ZNF254: variants seen among roughly 807,000 people sequenced by gnomAD.
ZNF254 encodes CTD-2017D11.1.
ZNF254 carries 10 observed loss-of-function variants against 12.4 expected under a neutral mutation model. The observed-to-expected ratio is 0.80, with a 90% CI of 0.50 to 1.36. The LOEUF is 1.36. Ranked by LOEUF, ZNF254 falls within the 40% of genes most tolerant of loss-of-function variation. The probability of loss-of-function intolerance (pLI) is 0.00; values close to 1 mark genes in which losing one functional copy is unlikely to be tolerated. For synonymous variants in ZNF254, 305 were observed against 253.4 expected, an observed-to-expected ratio of 1.20 and a Z score of -1.93; for missense variants, 996 against 763.9, an observed-to-expected ratio of 1.30 and a Z score of -3.58.
At chr19:24,106,760 C>A in intron 3 of ZNF254, 117 bp downstream of exon 3, 1 of 964,126 alleles carries the variant, frequency 1.0e-6, no homozygotes. Context: ...TCTGGGAAGC[C>A]TAAATTTTTT....
At chr19:24,108,279 C>G (rs1295783871) in intron 3 of ZNF254, among the ~76,000 whole-genome samples, 1 of 152,146 alleles carries the variant, frequency 6.6e-6, no homozygotes, top group Admixed American at 6.6e-5. Flanking sequence ...GCAGGACCCC[C>G]CCAGACTGTG....
Position 24,076,068 on chromosome 19 carries a change from C to T in ZNF254, c.-94+29789C>T, listed in dbSNP as rs368970188. 2.6e-5 allele frequency among the ~76,000 whole-genome samples: 4 copies of T among 152,322 alleles called. No individual in the cohort carries two copies. In the South Asian group the frequency reaches 6.2e-4, roughly 24 times the overall value. On this transcript the variant is annotated intron_variant, in intron 2 of 4. Transcript: ENST00000613065. Reference sequence around the variant, plus strand: ...GCCCAGAGTTCATATTGTTCAAACACACATGTTTTACAAACAATTTGTACA... The same window carrying T: ...GCCCAGAGTTCATATTGTTCAAACATACATGTTTTACAAACAATTTGTACA...
In ZNF254 at chr19:24,106,008, A is replaced by G. The variant is rs575223550; in HGVS notation, c.99A>G (p.Ala33=). Reference sequence around the variant, plus strand: ...AGGAGTGGCAACACCTGGACATTGCACAGCAGAATTTATATAGAAATGTGA... The same window carrying G: ...AGGAGTGGCAACACCTGGACATTGCGCAGCAGAATTTATATAGAAATGTGA... ...SLEEWQHLDI[A]QQNLYRNVML... is the part of the protein sequence containing the mutation. Residue 33 remains alanine, a synonymous_variant, in exon 2 of 4, where the codon GCA becomes GCG. Transcript: ENST00000357002. 1.1e-5 allele frequency: 17 copies of G among 1,600,336 alleles called. No homozygotes were observed. In the South Asian group the frequency reaches 1.8e-4, roughly 17 times the overall value.
chr19:24,120,191 G>T (rs1974382732), intron 3 of ZNF254, among the ~76,000 whole-genome samples: 1 of 152,060 alleles, frequency 6.6e-6, no homozygotes, highest in African/African-American at 2.4e-5. Flanking sequence ...GCTTTCATGA[G>T]ACTTATTCTC....
intron 1 of ZNF254, among the ~76,000 whole-genome samples, chr19:24,103,211 G>C (rs1450011323): frequency 3.3e-5 from 5 of 152,194 alleles, no homozygotes; most frequent in African/African-American, 4.8e-5. Flanking sequence ...TGCATCAGAA[G>C]TATTTGTGTT....
chr19:24,124,766 T>C (rs1050542054), intron 3 of ZNF254, among the ~76,000 whole-genome samples: 2 of 151,822 alleles, frequency 1.3e-5, no homozygotes, highest in Admixed American at 6.6e-5. Flanking sequence ...TCACTTTTTT[T>C]CTTTTTCTTT....
At position 24,127,731 on chromosome 19, in the gene ZNF254, A is replaced by T. The variant is rs757078705; in HGVS notation, c.1731A>T (p.Glu577Asp). ...IHTGEKPYKC[E>D]ECGKSFNRSS... ...CTGGAGAGAAACCCTATAAATGTGAAGAATGTGGCAAATCTTTTAACCGGT... is the reference window on the plus strand; with the variant it reads ...CTGGAGAGAAACCCTATAAATGTGATGAATGTGGCAAATCTTTTAACCGGT... The change falls in exon 4 of 4, where the codon GAA becomes GAT. Residue 577 changes from glutamate (E) to aspartate (D), a missense_variant. Glu to Asp is a conservative substitution (Grantham distance 45). Coordinates refer to ENST00000357002, the MANE Select transcript of ZNF254 (RefSeq NM_203282.4). 10 of 1,613,080 alleles carry T rather than the reference A, an allele frequency of 6.2e-6. No individual in the cohort carries two copies. In the South Asian group the frequency reaches 9.9e-5, roughly 16 times the overall value.
chr19:24,087,925 C>CT (rs1309271567), intron 1 of ZNF254, among the ~76,000 whole-genome samples: 5 of 76,210 alleles, frequency 6.6e-5, no homozygotes, highest in South Asian at 4.8e-4. Flanking sequence ...TTTTTTTTTT[C>CT]TTTTTTTTGA....
chr19:24,063,442 T>C (rs953988809), intron 2 of ZNF254, among the ~76,000 whole-genome samples: 1 of 152,152 alleles, frequency 6.6e-6, no homozygotes, highest in Non-Finnish European at 1.5e-5. Flanking sequence ...GTGGTGTGAG[T>C]CGGCTCTTCT....
At chr19:24,120,654 T>TTTGTTGTTG (rs143574815) in intron 3 of ZNF254, among the ~76,000 whole-genome samples, 21 of 151,256 alleles carry the variant, frequency 1.4e-4, no homozygotes, top group African/African-American at 5.1e-4. Context: ...TTAGCATTTC[T>TTTGTTGTTG]TTGTTGTTGT....
At chr19:24,085,081 G>A (rs963063136), upstream of ZNF254, among the ~76,000 whole-genome samples, 18 of 151,436 alleles carry the variant, frequency 1.2e-4, no homozygotes, top group East Asian at 1.2e-3. Context: ...ACAGGCACGC[G>A]CCACCACGCC....
chr19:24,110,024 C>T (rs1048749713), intron 3 of ZNF254, among the ~76,000 whole-genome samples: 1 of 152,022 alleles, frequency 6.6e-6, no homozygotes, highest in South Asian at 2.1e-4. Flanking sequence ...CCACCGTACC[C>T]GGCCTCTTAA....
intron 2 of ZNF254, among the ~76,000 whole-genome samples, chr19:24,073,017 A>G (rs1599644479): frequency 6.6e-6 from 1 of 152,340 alleles, no homozygotes; most frequent in Admixed American, 6.5e-5. Flanking sequence ...TTGTAACTAT[A>G]CTTGGAGAAA....
chr19:24,075,851 T>C (rs1203642255), intron 2 of ZNF254, among the ~76,000 whole-genome samples: 1 of 152,170 alleles, frequency 6.6e-6, no homozygotes, highest in Non-Finnish European at 1.5e-5. Flanking sequence ...AGAGTGGTTA[T>C]TTTAGAGGCC....
intron 1 of ZNF254, among the ~76,000 whole-genome samples, chr19:24,036,726 A>G (rs902070962): frequency 2.0e-5 from 3 of 152,188 alleles, no homozygotes; most frequent in African/African-American, 4.8e-5. Context: ...GTCACAATGC[A>G]CATTGTCCTG....
chr19:24,127,968 C>G lies in ZNF254; in HGVS notation c.1968C>G (p.Ile656Met). The G allele has an allele frequency of 6.4e-7, 1 of 1,554,614 alleles. No individual in the cohort carries two copies. Among genetic ancestry groups the G allele is most frequent in the Non-Finnish European group, 8.6e-7 (1 of 1,156,288 alleles). Reference sequence around the variant, plus strand: ...ATAAGATAACTCATTGGAGAGAAATCTTACAAGTATGAATAATGTGCCAAA... The same window carrying G: ...ATAAGATAACTCATTGGAGAGAAATGTTACAAGTATGAATAATGTGCCAAA... ...TTDKITHWREILQV is the reference protein window; with the variant it reads ...TTDKITHWREMLQV The change falls in exon 4 of 4, where the codon ATC becomes ATG. Residue 656 changes from isoleucine (I) to methionine (M), a missense_variant. Ile to Met is a conservative substitution (Grantham distance 10). Coordinates refer to ENST00000357002, the MANE Select transcript of ZNF254 (RefSeq NM_203282.4).
chr19:24,081,673 G>A (rs1346640063), intron 2 of ZNF254, among the ~76,000 whole-genome samples: 1 of 152,118 alleles, frequency 6.6e-6, no homozygotes, highest in African/African-American at 2.4e-5. Flanking sequence ...CAGCATAGAG[G>A]AGCATACCCT....
At chr19:24,106,237 C>G in intron 2 of ZNF254, 171 bp downstream of exon 2, 4 of 919,046 alleles carry the variant, frequency 4.4e-6, no homozygotes, top group Non-Finnish European at 6.1e-6. Context: ...CTGAACTTTC[C>G]ACATTCCTGA....
chr19:24,040,737 C>T (rs893292810), intron 1 of ZNF254, among the ~76,000 whole-genome samples: 1 of 152,182 alleles, frequency 6.6e-6, no homozygotes, highest in Non-Finnish European at 1.5e-5. Context: ...TGTATGTGTA[C>T]ATGTTGTTCA....
Sources: allele counts gnomAD v4.1 joint callset (sites outside exome capture counted in the v4.1 genomes callset), GRCh38; gene constraint gnomAD v4.1.1; transcripts MANE v1.5; gene names NCBI Gene and HGNC (gene_info 2026-07-23, HGNC 2026-07-21).